GADL1: variants seen among roughly 807,000 people sequenced by gnomAD.
GADL1 encodes GAD like acidic amino acid decarboxylase 1.
A neutral mutation model predicts 69.5 loss-of-function variants in GADL1; 71 were observed. That is an observed-to-expected ratio of 1.02 (90% CI 0.84 to 1.25). The LOEUF is 1.25. GADL1 is among the 50% of genes most tolerant of loss of function. The pLI is 0.00. For missense variants in GADL1, 737 were observed against 631.8 expected (o/e 1.17, Z -1.79); for synonymous variants, 254 against 214.4 (o/e 1.18, Z -1.62).
intron 9 of GADL1, among the ~76,000 whole-genome samples, chr3:30,834,837 C>T (rs941870088): frequency 7.2e-5 from 11 of 152,038 alleles, no homozygotes; most frequent in Non-Finnish European, 1.0e-4. Flanking sequence ...GGAAGTTATC[C>T]ACTGGAGAAG....
chr3:30,887,548 G>T (rs1698725805), intron 1 of GADL1, among the ~76,000 whole-genome samples: 1 of 152,152 alleles, frequency 6.6e-6, no homozygotes, highest in African/African-American at 2.4e-5. Context: ...GTTCTCACTA[G>T]ATGCACCCAC....
intron 8 of GADL1, among the ~76,000 whole-genome samples, chr3:30,843,032 T>TA (rs1386173244): frequency 6.6e-6 from 1 of 152,046 alleles, no homozygotes; most frequent in East Asian, 1.9e-4. Context: ...CCATCCTTGT[T>TA]AAAGTATGAA....
intron 4 of GADL1, among the ~76,000 whole-genome samples, chr3:30,853,891 TC>T (rs1489367912): frequency 1.8e-4 from 27 of 152,154 alleles, no homozygotes; most frequent in Admixed American, 1.6e-3. Flanking sequence ...AGAGATTTTT[TC>T]AGTAAGAAAA....
intron 1 of GADL1, among the ~76,000 whole-genome samples, chr3:30,875,090 TGAA>T (rs1300544889): frequency 6.6e-6 from 1 of 151,730 alleles, no homozygotes; most frequent in African/African-American, 2.4e-5. Context: ...ATACCAGCTT[TGAA>T]GACAGTGAAG....
chr3:30,744,714 CA>C (rs1490509405), intron 14 of GADL1, among the ~76,000 whole-genome samples: 1 of 151,938 alleles, frequency 6.6e-6, no homozygotes, highest in Non-Finnish European at 1.5e-5. Context: ...ACACTGTCTC[CA>C]AAAAGAAAAG....
chr3:30,780,656 A>G (rs1238589894), intron 13 of GADL1, among the ~76,000 whole-genome samples: 2 of 152,186 alleles, frequency 1.3e-5, no homozygotes, highest in Non-Finnish European at 2.9e-5. Flanking sequence ...TATGGGTTCT[A>G]TATTTTACAA....
chr3:30,864,800 C>T (rs1052594886), intron 1 of GADL1, among the ~76,000 whole-genome samples: 14 of 152,074 alleles, frequency 9.2e-5, no homozygotes, highest in Admixed American at 6.6e-5. Flanking sequence ...GATATGACTG[C>T]TTTTCATCAC....
chr3:30,831,084 C>T (rs761925923), intron 11 of GADL1, among the ~76,000 whole-genome samples: 36 of 151,960 alleles, frequency 2.4e-4, no homozygotes, highest in Non-Finnish European at 4.6e-4. Flanking sequence ...TTTTCTTAGT[C>T]TTCCATCTAT....
intron 14 of GADL1, among the ~76,000 whole-genome samples, chr3:30,733,251 A>G (rs959852777): frequency 3.3e-5 from 5 of 152,240 alleles, no homozygotes; most frequent in Non-Finnish European, 1.5e-5. Flanking sequence ...AAGTTTCTAA[A>G]TGGAAACTGT....
At chr3:30,780,397 G>A (rs1179842334) in intron 13 of GADL1, among the ~76,000 whole-genome samples, 3 of 152,144 alleles carry the variant, frequency 2.0e-5, no homozygotes, top group African/African-American at 4.8e-5. Context: ...TCCCTTGGGC[G>A]CTCTATCTCA....
At chr3:30,803,321 T>C (rs1038441553) in intron 11 of GADL1, among the ~76,000 whole-genome samples, 3 of 152,208 alleles carry the variant, frequency 2.0e-5, no homozygotes, top group African/African-American at 7.2e-5. Context: ...CCATAGCAAC[T>C]ACACTGACCA....
rs28556620 is a variant in GADL1, at chr3:30,809,061, C to T, written c.1051-7973G>A. ...CTTATAATTGGGAATTTGCCTTCAA[C>T]TTTAACCAGCCAGGACTCATTTCCT... On this transcript the variant is annotated intron_variant, in intron 11 of 14. Coordinates refer to ENST00000282538, the MANE Select transcript of GADL1 (RefSeq NM_207359.3). Among the ~76,000 whole-genome samples the T allele has an allele frequency of 8.0e-4, 122 of 152,316 alleles. 1 individual carries two copies. The highest frequency in any genetic ancestry group is 2.7e-3 in the Admixed American group (42 of 15,302).
rs1018910886 is a variant in GADL1 at position 30,731,251 on chromosome 3, T to C, written c.1393-2836A>G. 7.2e-5 allele frequency among the ~76,000 whole-genome samples: 11 copies of C among 152,342 alleles called. No homozygotes were observed. The South Asian group carries it at 1.4e-3, about 20-fold the overall frequency. On this transcript the variant is annotated intron_variant, in intron 14 of 14. Transcript: ENST00000282538. ...TCCTTCGTCCTCCAGGTACCCAGGG[T>C]ATAACTGGCTCTGGCTTGTAGCCAA... is the stretch of plus-strand genomic sequence containing the variant.
At position 30,850,115 on chromosome 3, in the gene GADL1, C is replaced by T. The variant is rs766357451; in HGVS notation, c.536-4G>A. Reference sequence around the variant, plus strand: ...TACATATTGGACACTGAGCCACCTGCAAAAACAAAATTAAAATGGCATATT... The same window carrying T: ...TACATATTGGACACTGAGCCACCTGTAAAAACAAAATTAAAATGGCATATT... On this transcript the variant is annotated splice_polypyrimidine_tract_variant and splice_region_variant and intron_variant, in intron 5 of 14. Transcript: ENST00000282538. The T allele has an allele frequency of 6.7e-7, 1 of 1,488,902 alleles. No individual in the cohort carries two copies. Among genetic ancestry groups the T allele is most frequent in the Non-Finnish European group, 9.4e-7 (1 of 1,067,756 alleles). The allele number at this position is 1,488,902 out of a possible 1,614,324, so 92.2% of individuals were successfully genotyped here.
intron 4 of GADL1, among the ~76,000 whole-genome samples, chr3:30,853,802 A>G (rs1698185764): frequency 6.6e-6 from 1 of 151,934 alleles, no homozygotes; most frequent in Non-Finnish European, 1.5e-5. Flanking sequence ...TCTTCTCTCC[A>G]AGTCCGAGCT....
At chr3:30,888,466 G>C (rs549693872) in intron 1 of GADL1, among the ~76,000 whole-genome samples, 10 of 152,268 alleles carry the variant, frequency 6.6e-5, no homozygotes, top group Non-Finnish European at 1.3e-4. Context: ...TGAAAGCCAA[G>C]TGGGAAGGAG....
chr3:30,826,846 G>A lies in GADL1; in HGVS notation c.1050+7007C>T, dbSNP rs369343792. Among the ~76,000 whole-genome samples the A allele has an allele frequency of 2.8e-4, 43 of 151,968 alleles. No homozygotes were observed. In the Middle Eastern group the frequency reaches 0.014, roughly 48 times the overall value. On this transcript the variant is annotated intron_variant, in intron 11 of 14. Transcript: ENST00000282538. ...GGTTTTCTGAAAAAGGAAACCATGAGTCACTGATTTATTATTGGTCTCTGA... is the reference window on the plus strand; with the variant it reads ...GGTTTTCTGAAAAAGGAAACCATGAATCACTGATTTATTATTGGTCTCTGA...
intron 1 of GADL1, among the ~76,000 whole-genome samples, chr3:30,891,714 T>C (rs1698790228): frequency 6.6e-6 from 1 of 152,122 alleles, no homozygotes; most frequent in South Asian, 2.1e-4. Flanking sequence ...GAAGGTTACA[T>C]AAGATGGTAT....
rs537515813 is a variant in GADL1 at position 30,745,890 on chromosome 3, A to C, written c.1393-17475T>G. Among the ~76,000 whole-genome samples the C allele has an allele frequency of 1.1e-3, 172 of 151,496 alleles. 1 individual carries two copies. The highest frequency in any genetic ancestry group is 1.4e-3 in the Non-Finnish European group (97 of 67,774). ...AGTTCATCCTGTTCCAAAATATTAA[A>C]ATTCTCTTCCCTTATTCTTTCCATT... On this transcript the variant is annotated intron_variant, in intron 14 of 14. Coordinates refer to ENST00000282538, the MANE Select transcript of GADL1 (RefSeq NM_207359.3).
Sources: allele counts gnomAD v4.1 joint callset (sites outside exome capture counted in the v4.1 genomes callset), GRCh38; gene constraint gnomAD v4.1.1; transcripts MANE v1.5; gene names NCBI Gene and HGNC (gene_info 2026-07-23, HGNC 2026-07-21).